Variants in PGAM1 observed in about 807,000 individuals in gnomAD.
The protein encoded by PGAM1 is BPG-dependent PGAM 1.
PGAM1 carries 21 observed loss-of-function variants against 23.5 expected under a neutral mutation model. That is an observed-to-expected ratio of 0.89 (90% CI 0.63 to 1.29). The LOEUF (loss-of-function observed/expected upper bound fraction) is 1.29, where lower values mean the gene tolerates loss of function less well. Ranked by LOEUF, PGAM1 falls within the 50% of genes most tolerant of loss-of-function variation. The pLI is 0.00. For missense variants in PGAM1, 232 were observed against 336.3 expected, an observed-to-expected ratio of 0.69 and a Z score of 2.42; for synonymous variants, 109 against 128.6, an observed-to-expected ratio of 0.85 and a Z score of 1.03.
intron 1 of PGAM1, among the ~76,000 whole-genome samples, chr10:97,429,981 G>A (rs1845450332): frequency 6.6e-6 from 1 of 151,390 alleles, no homozygotes; most frequent in African/African-American, 2.4e-5. Context: ...GGGAGGCGGA[G>A]GTTGCAGTGA....
At chr10:97,432,310 T>A (rs549669627) in intron 3 of PGAM1, 45 bp from the exon 4 acceptor site, 3 of 1,610,654 alleles carry the variant, frequency 1.9e-6, no homozygotes, top group Admixed American at 3.3e-5. Context: ...GGAGGGGTGA[T>A]GTGGATTTAT....
intron 1 of PGAM1, 74 bp from the exon 2 acceptor site, chr10:97,430,305 G>A (rs949815118): frequency 1.9e-6 from 3 of 1,552,696 alleles, no homozygotes; most frequent in Non-Finnish European, 2.7e-6. Context: ...ACTTGTACAG[G>A]AGATTGATAC....
intron 3 of PGAM1, 27 bp from the exon 4 acceptor site, chr10:97,432,328 G>A (rs764594753): frequency 3.1e-6 from 5 of 1,612,086 alleles, no homozygotes; most frequent in Non-Finnish European, 3.4e-6. Flanking sequence ...TATGTCTTGT[G>A]TGGCTGATGA....
At chr10:97,427,061 G>C (rs1200882855) in intron 1 of PGAM1, 1 of 153,482 alleles carries the variant, frequency 6.5e-6, no homozygotes. Context: ...ATAATAAGTC[G>C]TGGACAGTTT....
intron 3 of PGAM1, among the ~76,000 whole-genome samples, chr10:97,431,936 C>T (rs1016083256): frequency 7.2e-5 from 11 of 151,838 alleles, no homozygotes; most frequent in Admixed American, 2.0e-4. Context: ...AAAAAATTCT[C>T]CTTAGTCACA....
At chr10:97,430,789 C>T in intron 2 of PGAM1, 136 bp downstream of exon 2, 1 of 1,469,900 alleles carries the variant, frequency 6.8e-7, no homozygotes, top group Non-Finnish European at 9.4e-7. Context: ...ATGACCTTCA[C>T]TTACTAGAAG....
At chr10:97,427,336 T>G (rs924600827) in intron 1 of PGAM1, 2 of 990,538 alleles carry the variant, frequency 2.0e-6, no homozygotes, top group African/African-American at 3.5e-5. Flanking sequence ...TGCTGTTCAG[T>G]AGCATTCCAC....
intron 1 of PGAM1, among the ~76,000 whole-genome samples, chr10:97,428,759 C>T (rs1425521311): frequency 6.6e-6 from 1 of 152,120 alleles, no homozygotes; most frequent in Non-Finnish European, 1.5e-5. Context: ...TCTGGCGGCT[C>T]AGTGATGAGA....
At chr10:97,426,489 G>A (rs1309247069) in intron 1 of PGAM1, 43 bp downstream of exon 1, 3 of 1,513,656 alleles carry the variant, frequency 2.0e-6, no homozygotes, top group Non-Finnish European at 2.6e-6. Context: ...CCGGGTGTCC[G>A]GCCTCGGAGG....
Position 97,426,423 on chromosome 10 carries a change from A to T in PGAM1, c.116A>T (p.Lys39Met). 3.1e-6 allele frequency: 5 copies of T among 1,603,050 alleles called. No homozygotes were observed. The highest frequency in any genetic ancestry group is 4.3e-6 in the Non-Finnish European group (5 of 1,175,902). Residue 39 changes from lysine to methionine, a missense_variant, in exon 1 of 4, where the codon AAG (lysine) becomes ATG (methionine). By Grantham distance (95) the Lys-to-Met change is moderately conservative. This residue lies in a region of PGAM1 where 38 missense variants were observed against 77.1 expected (regional missense o/e 0.49). Coordinates refer to ENST00000334828, the MANE Select transcript of PGAM1 (RefSeq NM_002629.4). ...AGCCCGGCGGGCCACGAGGAGGCGA[A>T]GCGCGGCGGGCAGGCGCTACGAGGT... ...DLSPAGHEEA[K>M]RGGQALRDAG...
chr10:97,429,982 G>T (rs976085555), intron 1 of PGAM1, among the ~76,000 whole-genome samples: 2 of 149,970 alleles, frequency 1.3e-5, no homozygotes. Flanking sequence ...GGAGGCGGAG[G>T]TTGCAGTGAG....
rs1845484242 is a variant in PGAM1 at position 97,432,648 on chromosome 10, G to A, written c.*124G>A. 1.3e-5 allele frequency: 16 copies of A among 1,256,688 alleles called. No individual in the cohort carries two copies. The East Asian group carries it at 3.0e-4, about 24-fold the overall frequency. The allele number at this position is 1,256,688 out of a possible 1,614,324, so 77.8% of individuals were successfully genotyped here. On this transcript the variant is annotated 3_prime_UTR_variant, in exon 4 of 4. Transcript: ENST00000334828. Reference sequence around the variant, plus strand: ...GACATCTTGAGTTGTAGCTGCAGACGGGGACCAGTGGCTCCCATTTTCATT... The same window carrying A: ...GACATCTTGAGTTGTAGCTGCAGACAGGGACCAGTGGCTCCCATTTTCATT...
In PGAM1 at chr10:97,431,109, T is replaced by C; in HGVS notation, c.569T>C (p.Leu190Pro). The change falls in exon 3 of 4, where the codon CTC becomes CCC. Residue 190 changes from leucine (L) to proline (P), a missense_variant. Transcript: ENST00000334828. ...RVLIAAHGNSLRGIVKHLEGL... is the reference protein window; with the variant it reads ...RVLIAAHGNSPRGIVKHLEGL... ...CTGATTGCAGCCCATGGCAACAGCC[T>C]CCGGGGCATTGTCAAGCATCTGGAG... is the stretch of plus-strand genomic sequence containing the variant. 1 of 1,614,142 alleles carries C rather than the reference T, an allele frequency of 6.2e-7. No homozygotes were observed. The highest frequency in any genetic ancestry group is 8.5e-7 in the Non-Finnish European group (1 of 1,180,024).
intron 1 of PGAM1, chr10:97,427,809 G>C: frequency 7.8e-7 from 1 of 1,289,424 alleles, no homozygotes; most frequent in Admixed American, 2.3e-5. Context: ...TCTGGACAAA[G>C]AAGCAGCCAT....
intron 1 of PGAM1, among the ~76,000 whole-genome samples, chr10:97,429,029 A>G (rs1041089915): frequency 6.0e-5 from 9 of 149,864 alleles, no homozygotes; most frequent in Non-Finnish European, 1.3e-4. Flanking sequence ...GGAAAGGGCT[A>G]TCTCCCCATT....
rs1454867566 is a variant in PGAM1, at chr10:97,433,086, T to G, written c.*562T>G. The G allele has an allele frequency of 6.4e-6, 1 of 156,968 alleles. No individual in the cohort carries two copies. Among genetic ancestry groups the G allele is most frequent in the Non-Finnish European group, 1.4e-5 (1 of 70,798 alleles). 9.7% of individuals were successfully genotyped at this position (156,968 alleles called of 1,614,324 possible). On this transcript the variant is annotated 3_prime_UTR_variant, in exon 4 of 4. Coordinates refer to ENST00000334828, the MANE Select transcript of PGAM1 (RefSeq NM_002629.4). The stretch of plus-strand genomic sequence containing the variant: ...ATTTCGTTATGTGTTAATTTACTTT[T>G]ATTAAAAAAGTATAGTATATATAAT...
intron 1 of PGAM1, chr10:97,427,194 C>A: frequency 8.4e-6 from 7 of 836,642 alleles, no homozygotes; most frequent in Non-Finnish European, 1.0e-5. Context: ...TAACCAAGGC[C>A]TCTCAAGAGG....
At position 97,429,560 on chromosome 10, in the gene PGAM1, G is replaced by A. The variant is rs1487512313; in HGVS notation, c.140-819G>A. 2.0e-5 allele frequency among the ~76,000 whole-genome samples: 3 copies of A among 152,290 alleles called. No individual in the cohort carries two copies. In the East Asian group the frequency reaches 5.8e-4, roughly 29 times the overall value. On this transcript the variant is annotated intron_variant, in intron 1 of 3. Transcript: ENST00000334828. The stretch of plus-strand genomic sequence containing the variant: ...CTCCTAAACTTGGTTTAACATTTAA[G>A]TAGGTATACTCTGAGGGTACTTGGT...
intron 1 of PGAM1, 119 bp downstream of exon 1, chr10:97,426,565 G>A: frequency 1.6e-6 from 2 of 1,279,788 alleles, no homozygotes; most frequent in Non-Finnish European, 2.1e-6. Context: ...TCTCTTAACA[G>A]TTTAGTGTGT....
Sources: gnomAD v4.1 joint callset for allele counts (sites outside exome capture counted in the v4.1 genomes callset) on GRCh38, gnomAD v4.1.1 for gene constraint, gnomAD v4.1.1 regional missense constraint, MANE v1.5 for transcripts, NCBI Gene and HGNC (gene_info 2026-07-23, HGNC 2026-07-21) for gene names.